The following CDK13 variants were observed in gnomAD, a reference collection of about 807,000 sequenced individuals.
The protein encoded by CDK13 is cyclin dependent kinase 13, also known as cyclin-dependent kinase 13.
CDK13 carries 40 observed loss-of-function variants against 137.6 expected under a neutral mutation model. The ratio of observed to expected loss-of-function variants is 0.29; its 90% CI spans 0.23 to 0.38. The LOEUF (loss-of-function observed/expected upper bound fraction) is 0.38. Among genes scored for constraint, CDK13 ranks in the 10% least tolerant of loss-of-function variants. The pLI is 1.00. For synonymous variants in CDK13, 869 were observed against 760.1 expected (o/e 1.14, Z -2.36); for missense variants, 1,704 against 1,951.8 (o/e 0.87, Z 2.39).
chr7:40,014,964 G>A (rs1261205817), intron 5 of CDK13, among the ~76,000 whole-genome samples: 1 of 152,048 alleles, frequency 6.6e-6, no homozygotes, highest in Admixed American at 6.6e-5. Flanking sequence ...ATTTTTTTGA[G>A]GGGTGAGTTG....
intron 1 of CDK13, among the ~76,000 whole-genome samples, chr7:39,959,474 T>A (rs1055136619): frequency 6.7e-6 from 1 of 150,228 alleles, no homozygotes; most frequent in Non-Finnish European, 1.5e-5. Flanking sequence ...TTCTTTCTTT[T>A]TTTTTTTTAA....
rs536405757 is a variant in CDK13, at chr7:39,964,725, A to G, written c.1211+12873A>G. Among the ~76,000 whole-genome samples the G allele has an allele frequency of 5.7e-4, 86 of 151,994 alleles. 1 individual carries two copies. The highest frequency in any genetic ancestry group is 1.9e-3 in the African/African-American group (79 of 41,448). On this transcript the variant is annotated intron_variant, in intron 1 of 13. Transcript: ENST00000181839. ...GTTCAGTTGTAATGTTAGGGTGTCAATTTTAGATCTTTCCTGCTTTCTCTT... is the reference window on the plus strand; with the variant it reads ...GTTCAGTTGTAATGTTAGGGTGTCAGTTTTAGATCTTTCCTGCTTTCTCTT...
chr7:40,012,079 G>A (rs1784906934), intron 5 of CDK13, among the ~76,000 whole-genome samples: 1 of 152,080 alleles, frequency 6.6e-6, no homozygotes, highest in South Asian at 2.1e-4. Context: ...ACCACAGTGA[G>A]TTACCACTTT....
At chr7:40,035,097 T>C (rs1402749040) in intron 5 of CDK13, among the ~76,000 whole-genome samples, 2 of 152,192 alleles carry the variant, frequency 1.3e-5, no homozygotes, top group African/African-American at 2.4e-5. Context: ...TTGATACTAA[T>C]ATTTTTCTAA....
In CDK13 at chr7:40,032,139, C is replaced by G. The variant is rs1785393820; in HGVS notation, c.2354-13697C>G. 2.0e-5 allele frequency among the ~76,000 whole-genome samples: 3 copies of G among 152,112 alleles called. No homozygotes were observed. The South Asian group carries it at 6.2e-4, about 32-fold the overall frequency. On this transcript the variant is annotated intron_variant, in intron 5 of 13. Coordinates refer to ENST00000181839, the MANE Select transcript of CDK13 (RefSeq NM_003718.5). ...TGGTGTGACTTTGGTTCACTGCAGC[C>G]TCTTCCCCACAGGCTCAAGCCGTCT... is the stretch of plus-strand genomic sequence containing the variant.
intron 5 of CDK13, among the ~76,000 whole-genome samples, chr7:40,007,458 G>A (rs934439152): frequency 8.5e-5 from 13 of 152,092 alleles, no homozygotes; most frequent in African/African-American, 2.9e-4. Context: ...ACGGAGTCTC[G>A]CTCTGTCACC....
intron 1 of CDK13, chr7:39,952,664 C>T (rs1583896944): frequency 6.6e-6 from 1 of 152,258 alleles, no homozygotes; most frequent in African/African-American, 2.4e-5. Flanking sequence ...AAGCCTGTAA[C>T]TGCTTACTTT....
chr7:40,028,981 A>G (rs1000485901), intron 5 of CDK13, among the ~76,000 whole-genome samples: 1 of 152,042 alleles, frequency 6.6e-6, no homozygotes, highest in Non-Finnish European at 1.5e-5. Context: ...TATATTAGAT[A>G]TATGGTTGAC....
At chr7:39,963,603 G>A (rs933857058) in intron 1 of CDK13, among the ~76,000 whole-genome samples, 1 of 152,136 alleles carries the variant, frequency 6.6e-6, no homozygotes, top group African/African-American at 2.4e-5. Flanking sequence ...TTTCCTAATT[G>A]AATACCCTTT....
At chr7:40,023,536 G>A (rs1437835718) in intron 5 of CDK13, among the ~76,000 whole-genome samples, 1 of 148,568 alleles carries the variant, frequency 6.7e-6, no homozygotes. Context: ...GTCTCGCTCT[G>A]TCACCCGGGC....
In CDK13 at chr7:39,981,903, T is replaced by C. The variant is rs999292328; in HGVS notation, c.1212-5696T>C. On this transcript the variant is annotated intron_variant, in intron 1 of 13. Coordinates refer to ENST00000181839, the MANE Select transcript of CDK13 (RefSeq NM_003718.5). ...GCCTCCCGGGTTCATGCCATTCTCC[T>C]GCCTCAGCCTCCCAAATAGCTGGGA... Among the ~76,000 whole-genome samples the C allele has an allele frequency of 1.5e-4, 23 of 150,738 alleles. 1 individual carries two copies. The highest frequency in any genetic ancestry group is 5.6e-4 in the African/African-American group (23 of 41,214).
At chr7:40,064,362 A>T (rs1024674491) in intron 9 of CDK13, among the ~76,000 whole-genome samples, 1 of 151,928 alleles carries the variant, frequency 6.6e-6, no homozygotes, top group Non-Finnish European at 1.5e-5. Context: ...TAAAATTTCC[A>T]TGAAAGTTTC....
chr7:40,094,455 CTT>C lies in CDK13; in HGVS notation c.4016_4017del (p.Phe1339TrpfsTer12). On this transcript the variant is annotated frameshift_variant, in exon 14 of 14. Transcript: ENST00000181839. LOFTEE classifies it high-confidence loss of function. ...YVSTSDYKDNFGSSSFSSAPY... is the reference protein window; with the variant it reads ...YVSTSDYKDNXGSSSFSSAPY... ...TGTCCACTTCAGACTACAAGGACAA[CTT>C]TGGATCCTCTTCTTTCTCTTCTGCT... is the stretch of plus-strand genomic sequence containing the variant. 1 of 1,613,970 alleles carries C rather than the reference CTT, an allele frequency of 6.2e-7. No individual in the cohort carries two copies. Among genetic ancestry groups the C allele is most frequent in the Non-Finnish European group, 8.5e-7 (1 of 1,180,022 alleles).
chr7:39,960,907 G>GT (rs1183286343), intron 1 of CDK13, among the ~76,000 whole-genome samples: 6 of 152,038 alleles, frequency 3.9e-5, no homozygotes, highest in African/African-American at 1.4e-4. Flanking sequence ...AATTGTATAT[G>GT]TTTATGTGTG....
At chr7:39,980,149 T>C (rs1784194248) in intron 1 of CDK13, among the ~76,000 whole-genome samples, 3 of 152,154 alleles carry the variant, frequency 2.0e-5, no homozygotes, top group African/African-American at 7.2e-5. Flanking sequence ...TATAAGGGAA[T>C]AGTATAGAGT....
chr7:40,082,689 G>A (rs2150539388), intron 11 of CDK13, among the ~76,000 whole-genome samples: 1 of 151,334 alleles, frequency 6.6e-6, no homozygotes, highest in Admixed American at 6.6e-5. Flanking sequence ...TACTCAGAAG[G>A]CTGAGGCAGG....
intron 3 of CDK13, 83 bp downstream of exon 3, chr7:39,997,747 G>A (rs958539817): frequency 7.9e-6 from 8 of 1,011,140 alleles, no homozygotes; most frequent in Admixed American, 2.5e-5. Flanking sequence ...CTAAATTAAG[G>A]TTTAAAATAA....
At chr7:40,028,459 C>G (rs548149771) in intron 5 of CDK13, among the ~76,000 whole-genome samples, 2 of 152,172 alleles carry the variant, frequency 1.3e-5, no homozygotes, top group South Asian at 2.1e-4. Flanking sequence ...ACCTCATGAT[C>G]TGCCCGCCTT....
chr7:39,968,528 G>A (rs976340799), intron 1 of CDK13, among the ~76,000 whole-genome samples: 1 of 152,178 alleles, frequency 6.6e-6, no homozygotes, highest in African/African-American at 2.4e-5. Context: ...ATGCACCACT[G>A]TGCCTCACTC....
Sources: allele counts gnomAD v4.1 joint callset (sites outside exome capture counted in the v4.1 genomes callset), GRCh38; gene constraint gnomAD v4.1.1; transcripts MANE v1.5; gene names NCBI Gene and HGNC (gene_info 2026-07-23, HGNC 2026-07-21).